The following CSTPP1 variants were observed in gnomAD, a reference collection of about 807,000 sequenced individuals.
The protein encoded by CSTPP1 is centriolar satellite-associated tubulin polyglutamylase complex regulator 1.
At chr11:46,993,380 G>T in the CSTPP1 span, among the ~76,000 whole-genome samples, 1 of 150,222 alleles carries the variant, frequency 6.7e-6, no homozygotes. Flanking sequence ...TTTTTGCCTA[G>T]GTTTTCTTCT....
chr11:47,052,090 GGCTAAAAGGC>G, the CSTPP1 span: 1 of 199,924 alleles, frequency 5.0e-6, no homozygotes, highest in African/African-American at 2.3e-5. Context: ...TCCAGTTAGA[GGCTAAAAGGC>G]TTTCCTCCAT....
chr11:47,036,803 G>C, the CSTPP1 span, among the ~76,000 whole-genome samples: 1 of 127,162 alleles, frequency 7.9e-6, no homozygotes, highest in African/African-American at 2.5e-5. Flanking sequence ...TCAGCCTCCC[G>C]AGTAGCTGGG....
the CSTPP1 span, among the ~76,000 whole-genome samples, chr11:46,963,591 C>A: frequency 2.0e-5 from 3 of 151,804 alleles, no homozygotes; most frequent in Admixed American, 2.0e-4. Flanking sequence ...CGAGACCAGC[C>A]TGGCCAACAT....
chr11:47,067,722 T>C, the CSTPP1 span, among the ~76,000 whole-genome samples: 1 of 152,346 alleles, frequency 6.6e-6, no homozygotes, highest in Non-Finnish European at 1.5e-5. Flanking sequence ...CCCAGAACTG[T>C]GAGAAAATTA....
At chr11:47,112,506 G>A in the CSTPP1 span, among the ~76,000 whole-genome samples, 3 of 152,112 alleles carry the variant, frequency 2.0e-5, no homozygotes, top group African/African-American at 4.8e-5. Flanking sequence ...ATTTTTTGTA[G>A]AGACGGGTTT....
the CSTPP1 span, among the ~76,000 whole-genome samples, chr11:47,022,098 T>C: frequency 2.0e-5 from 3 of 151,732 alleles, no homozygotes; most frequent in Non-Finnish European, 4.4e-5. Context: ...AAAGGTAATA[T>C]CCCATGAAGG....
the CSTPP1 span, among the ~76,000 whole-genome samples, chr11:46,994,523 G>A: frequency 3.3e-4 from 50 of 152,240 alleles, no homozygotes; most frequent in South Asian, 7.9e-3. Context: ...TTCTGCATCT[G>A]TTGAGATAAT....
At chr11:47,070,919 A>T in the CSTPP1 span, among the ~76,000 whole-genome samples, 1 of 152,184 alleles carries the variant, frequency 6.6e-6, no homozygotes, top group Non-Finnish European at 1.5e-5. Flanking sequence ...CTGGCCACAC[A>T]GAAACACTTT....
chr11:47,044,180 G>A, the CSTPP1 span, among the ~76,000 whole-genome samples: 1 of 151,886 alleles, frequency 6.6e-6, no homozygotes, highest in African/African-American at 2.4e-5. Flanking sequence ...GTAGAGACAG[G>A]GTTTCACCAT....
At chr11:47,030,978 C>T in the CSTPP1 span, among the ~76,000 whole-genome samples, 1 of 152,046 alleles carries the variant, frequency 6.6e-6, no homozygotes, top group Non-Finnish European at 1.5e-5. Flanking sequence ...ACCATTCGAC[C>T]CAGCAATCCC....
chr11:46,938,256 G>A, the CSTPP1 span, among the ~76,000 whole-genome samples: 11 of 151,114 alleles, frequency 7.3e-5, no homozygotes, highest in Admixed American at 1.3e-4. Context: ...CACAGTTTCC[G>A]CTATTATTTA....
chr11:47,150,569 G>T, the CSTPP1 span, among the ~76,000 whole-genome samples: 2 of 152,146 alleles, frequency 1.3e-5, no homozygotes, highest in African/African-American at 4.8e-5. Context: ...GGTTAGAAAA[G>T]GTGCTTTCCT....
At chr11:47,009,595 G>A in the CSTPP1 span, among the ~76,000 whole-genome samples, 9 of 152,158 alleles carry the variant, frequency 5.9e-5, no homozygotes, top group East Asian at 1.9e-4. Context: ...TCAGGAGCTC[G>A]AGACCAGTCC....
At chr11:47,073,550 T>G in the CSTPP1 span, among the ~76,000 whole-genome samples, 4 of 151,734 alleles carry the variant, frequency 2.6e-5, no homozygotes, top group Non-Finnish European at 5.9e-5. Context: ...ATTTTAAAAC[T>G]TAGAAAGAAA....
At chr11:46,974,578 C>T in the CSTPP1 span, among the ~76,000 whole-genome samples, 1 of 150,684 alleles carries the variant, frequency 6.6e-6, no homozygotes, top group South Asian at 2.1e-4. Flanking sequence ...TGGTGACTAA[C>T]ACCTGTAATC....
At chr11:47,062,724 A>C in the CSTPP1 span, among the ~76,000 whole-genome samples, 69 of 152,352 alleles carry the variant, frequency 4.5e-4, no homozygotes, top group Admixed American at 7.2e-4. Flanking sequence ...GGTATCACAA[A>C]CTAGTAGTCG....
At chr11:47,137,646 T>G in the CSTPP1 span, 1 of 1,614,166 alleles carries the variant, frequency 6.2e-7, no homozygotes. Context: ...CCACTTCAGA[T>G]TTGCTGACCA....
chr11:47,076,107 G>A, the CSTPP1 span, among the ~76,000 whole-genome samples: 1 of 151,988 alleles, frequency 6.6e-6, no homozygotes, highest in Non-Finnish European at 1.5e-5. Context: ...ATAGAAGACT[G>A]GAGATATTAA....
chr11:47,157,145 G>A, the CSTPP1 span: 77 of 1,613,584 alleles, frequency 4.8e-5, no homozygotes, highest in Middle Eastern at 1.7e-4. Context: ...GGGCGGGGCC[G>A]GCACGCTGGA....
Sources: allele counts gnomAD v4.1 joint callset (sites outside exome capture counted in the v4.1 genomes callset), GRCh38; gene constraint gnomAD v4.1.1; transcripts MANE v1.5; gene names NCBI Gene and HGNC (gene_info 2026-07-23, HGNC 2026-07-21).